The following CRYL1 variants were observed in gnomAD, a reference collection of about 807,000 sequenced individuals.
The protein encoded by CRYL1 is lambda-crystallin homolog.
A neutral mutation model predicts 36.6 loss-of-function variants in CRYL1; 29 were observed. The observed-to-expected ratio is 0.79, with a 90% confidence interval of 0.59 to 1.08. CRYL1 has a LOEUF of 1.08. CRYL1 is among the 50% of genes least tolerant of loss of function. The pLI, the probability that CRYL1 is intolerant of heterozygous loss-of-function variation, is 0.00. For missense variants in CRYL1, 411 were observed against 407.9 expected (o/e 1.01, Z -0.06); for synonymous variants, 152 against 151.5 (o/e 1.00, Z -0.02).
intron 3 of CRYL1, among the ~76,000 whole-genome samples, chr13:20,448,763 AC>A (rs1366090910): frequency 6.6e-6 from 1 of 152,218 alleles, no homozygotes; most frequent in Non-Finnish European, 1.5e-5. Context: ...GAGAGAAACA[AC>A]TTATGGAATT....
chr13:20,454,769 C>CCCTTTAA (rs766884331), intron 3 of CRYL1, among the ~76,000 whole-genome samples: 61 of 152,196 alleles, frequency 4.0e-4, no homozygotes, highest in Admixed American at 1.3e-3. Flanking sequence ...AGATGGGAAT[C>CCCTTTAA]CCTTTAACAT....
rs754066158 is a variant in CRYL1, at chr13:20,489,376, G to A, written c.270C>T (p.His90=). The change falls in exon 3 of 8, where the codon CAC becomes CAT. Residue 90 remains histidine (H), a synonymous_variant. Coordinates refer to ENST00000298248, the MANE Select transcript of CRYL1 (RefSeq NM_015974.3). ...GCCAGTGTCCTTCACTCACCTGAAT[G>A]TGCATGGCACCCTCTACTGCTTCTT... ...NIQEAVEGAM[H]IQECVPEDLE... The A allele has an allele frequency of 2.1e-5, 34 of 1,613,130 alleles. No homozygotes were observed. The highest frequency in any genetic ancestry group is 2.6e-5 in the Non-Finnish European group (31 of 1,180,018).
In CRYL1 at chr13:20,413,358, G is replaced by A. The variant is rs1429908000; in HGVS notation, c.663C>T (p.Asp221=). The change falls in exon 6 of 8, where the codon GAC becomes GAT. Residue 221 remains aspartate (D), a synonymous_variant. Coordinates refer to ENST00000298248, the MANE Select transcript of CRYL1 (RefSeq NM_015974.3). Reference sequence around the variant, plus strand: ...TGCCCAACCCTTCTGACATGACAAGGTCCAGGTCACTAGGAGACACGATTC... The same window carrying A: ...TGCCCAACCCTTCTGACATGACAAGATCCAGGTCACTAGGAGACACGATTC... ...EEGIVSPSDL[D]LVMSEGLGMR... 1.9e-6 allele frequency: 3 copies of A among 1,613,590 alleles called. No individual in the cohort carries two copies. The highest frequency in any genetic ancestry group is 2.5e-6 in the Non-Finnish European group (3 of 1,179,660).
intron 5 of CRYL1, among the ~76,000 whole-genome samples, chr13:20,420,803 G>A (rs9506484): frequency 6.8e-6 from 1 of 148,124 alleles, no homozygotes; most frequent in South Asian, 2.2e-4. Flanking sequence ...TGGCGTGATC[G>A]CAACTCACTG....
At chr13:20,407,247 G>A (rs7333371) in intron 6 of CRYL1, among the ~76,000 whole-genome samples, 103,735 of 151,370 alleles carry the variant, frequency 0.69, 36,223 homozygotes, top group South Asian at 0.76. Flanking sequence ...GAGCCTCACT[G>A]TCTGTGATGA....
chr13:20,440,849 C>T (rs2032334342), intron 3 of CRYL1, among the ~76,000 whole-genome samples: 1 of 152,148 alleles, frequency 6.6e-6, no homozygotes, highest in South Asian at 2.1e-4. Context: ...GGATTAAATG[C>T]TGCAGATAAC....
At chr13:20,474,576 C>T (rs2033126244) in intron 3 of CRYL1, among the ~76,000 whole-genome samples, 1 of 109,330 alleles carries the variant, frequency 9.1e-6, no homozygotes, top group Non-Finnish European at 2.2e-5. Context: ...TTTTCCACAG[C>T]CAAACCAAGT....
chr13:20,491,388 A>T (rs1593482839), intron 2 of CRYL1, among the ~76,000 whole-genome samples: 1 of 152,308 alleles, frequency 6.6e-6, no homozygotes, highest in Non-Finnish European at 1.5e-5. Flanking sequence ...AGATCTCATC[A>T]CCCACAAAAC....
At chr13:20,466,356 A>G (rs116459342) in intron 3 of CRYL1, among the ~76,000 whole-genome samples, 2,277 of 152,322 alleles carry the variant, frequency 0.015, 51 homozygotes, top group African/African-American at 0.051. Context: ...ATAAAAGGAC[A>G]CTATAGACAG....
chr13:20,459,157 T>A (rs577265608), intron 3 of CRYL1, among the ~76,000 whole-genome samples: 48 of 140,784 alleles, frequency 3.4e-4, no homozygotes, highest in South Asian at 1.8e-3. Context: ...AATGGCGTGA[T>A]CCCGGGAGGC....
rs561359140 is a variant in CRYL1, at chr13:20,525,218, G to A, written c.41+536C>T. 2.0e-5 allele frequency among the ~76,000 whole-genome samples: 3 copies of A among 152,214 alleles called. No individual in the cohort carries two copies. Among genetic ancestry groups the A allele is most frequent in the Non-Finnish European group, 4.4e-5 (3 of 68,022 alleles). On this transcript the variant is annotated intron_variant, in intron 1 of 7. Coordinates refer to ENST00000298248, the MANE Select transcript of CRYL1 (RefSeq NM_015974.3). The surrounding 1 kb of genome is among the most constrained non-coding windows in gnomAD (Gnocchi z 4.3). ...TGTATGTTCGCCTAACACCTGCTGC[G>A]GCCTCCAGCGACATCGTCGCCGACA... is the stretch of plus-strand genomic sequence containing the variant.
rs538355505 is a variant in CRYL1 at position 20,446,090 on chromosome 13, T to C, written c.277-6336A>G. Among the ~76,000 whole-genome samples, 54 of 152,284 alleles carry C rather than the reference T, an allele frequency of 3.5e-4. No homozygotes were observed. In the South Asian group the frequency reaches 0.011, roughly 30 times the overall value. ...TTTTAAAACCCAAAATAGTTTTCAGTAGATTTTTTTTAATTATTTATTTTT... is the reference window on the plus strand; with the variant it reads ...TTTTAAAACCCAAAATAGTTTTCAGCAGATTTTTTTTAATTATTTATTTTT... On this transcript the variant is annotated intron_variant, in intron 3 of 7. Coordinates refer to ENST00000298248, the MANE Select transcript of CRYL1 (RefSeq NM_015974.3).
chr13:20,408,295 A>G (rs1376403203), intron 6 of CRYL1, among the ~76,000 whole-genome samples: 1 of 152,112 alleles, frequency 6.6e-6, no homozygotes, highest in African/African-American at 2.4e-5. Context: ...TCAATCAACC[A>G]AACCCACCAG....
rs2031779475 is a variant in CRYL1 at position 20,420,699 on chromosome 13, G to GTTTTTTTTTTTTTTTTTTTTTT, written c.634-7313_634-7312insAAAAAAAAAAAAAAAAAAAAAA. On this transcript the variant is annotated intron_variant, in intron 5 of 7. Transcript: ENST00000298248. The stretch of plus-strand genomic sequence containing the variant: ...CCCTTTGACTTTTCTTTAAAATAGA[G>GTTTTTTTTTTTTTTTTTTTTTT]GTTGTGTGTGTGTGTGTGTGTGTGT... 9.0e-5 allele frequency among the ~76,000 whole-genome samples: 2 copies of GTTTTTTTTTTTTTTTTTTTTTT among 22,100 alleles called. 1 individual carries two copies. Among genetic ancestry groups the GTTTTTTTTTTTTTTTTTTTTTT allele is most frequent in the Non-Finnish European group, 2.2e-4 (2 of 9,100 alleles). 14.5% of individuals were successfully genotyped at this position (22,100 alleles called of 152,430 possible). A position where few individuals can be genotyped will look rare whatever the true frequency, so the allele number is the denominator to read the frequency against.
At chr13:20,455,145 T>C (rs1421574881) in intron 3 of CRYL1, among the ~76,000 whole-genome samples, 1 of 152,192 alleles carries the variant, frequency 6.6e-6, no homozygotes, top group Non-Finnish European at 1.5e-5. Context: ...TAGCAATTAA[T>C]AATGGAAAAT....
At chr13:20,501,852 G>C (rs4770046) in intron 2 of CRYL1, among the ~76,000 whole-genome samples, 132,569 of 152,178 alleles carry the variant, frequency 0.87, 60,377 homozygotes, top group East Asian at 1. Context: ...TCCAGCCCCA[G>C]GGATCACTCT....
chr13:20,437,127 T>C (rs1213290161), intron 4 of CRYL1, among the ~76,000 whole-genome samples: 1 of 151,158 alleles, frequency 6.6e-6, no homozygotes, highest in Non-Finnish European at 1.5e-5. Context: ...GCACCACTGC[T>C]CTCCAGCCTG....
chr13:20,430,966 C>T (rs1017980003), intron 5 of CRYL1: 2 of 985,200 alleles, frequency 2.0e-6, no homozygotes, highest in Admixed American at 6.1e-5. Context: ...AGTGGAAACC[C>T]GAGCACTGTT....
rs191116936 is a variant in CRYL1, at chr13:20,522,681, C to T, written c.41+3073G>A. On this transcript the variant is annotated intron_variant, in intron 1 of 7. Coordinates refer to ENST00000298248, the MANE Select transcript of CRYL1 (RefSeq NM_015974.3). ...TGAGCTTGATCCTGAAAGAGTGTGC[C>T]CCCTAAAAAGCAGGACAGGAGAAAG... is the stretch of plus-strand genomic sequence containing the variant. Among the ~76,000 whole-genome samples, 7 of 151,850 alleles carry T rather than the reference C, an allele frequency of 4.6e-5. No individual in the cohort carries two copies. In the East Asian group the frequency reaches 1.4e-3, roughly 29 times the overall value.
Sources: gnomAD v4.1 joint callset for allele counts (sites outside exome capture counted in the v4.1 genomes callset) on GRCh38, gnomAD v4.1.1 for gene constraint, Gnocchi (gnomAD v3.1) non-coding constraint, MANE v1.5 for transcripts, NCBI Gene and HGNC (gene_info 2026-07-23, HGNC 2026-07-21) for gene names.